The following CYB5R4 variants were observed in gnomAD, a reference collection of about 807,000 sequenced individuals.
CYB5R4 encodes the protein cytochrome b5 reductase 4, also known as N-terminal cytochrome b5 and cytochrome b5 oxidoreductase domain-containing protein.
A neutral mutation model predicts 70.2 loss-of-function variants in CYB5R4; 55 were observed. That is an observed-to-expected ratio of 0.78 (90% CI 0.63 to 0.98). CYB5R4 has a LOEUF of 0.98. Ranked by LOEUF, CYB5R4 falls within the 50% of genes least tolerant of loss-of-function variation. The pLI, the probability that CYB5R4 is intolerant of heterozygous loss-of-function variation, is 0.00. For synonymous variants in CYB5R4, 197 were observed against 199.5 expected, an observed-to-expected ratio of 0.99 and a Z score of 0.11; for missense variants, 562 against 612.6, an observed-to-expected ratio of 0.92 and a Z score of 0.87.
intron 14 of CYB5R4, among the ~76,000 whole-genome samples, chr6:83,948,405 A>T (rs2099470982): frequency 6.6e-6 from 1 of 152,170 alleles, no homozygotes; most frequent in Non-Finnish European, 1.5e-5. Flanking sequence ...ATTAGGAGAA[A>T]TACCTAATGT....
At chr6:83,914,147 A>G (rs1214435966) in intron 4 of CYB5R4, among the ~76,000 whole-genome samples, 1 of 152,228 alleles carries the variant, frequency 6.6e-6, no homozygotes, top group Non-Finnish European at 1.5e-5. Context: ...TAACCAAGAT[A>G]TTAGAAAAAA....
At chr6:83,895,585 T>C (rs2099461753) in intron 3 of CYB5R4, among the ~76,000 whole-genome samples, 2 of 152,202 alleles carry the variant, frequency 1.3e-5, no homozygotes, top group African/African-American at 4.8e-5. Context: ...TTGAATGTAC[T>C]GTGCCACAAG....
chr6:83,864,296 A>G lies in CYB5R4; in HGVS notation c.197A>G (p.Asn66Ser), dbSNP rs890567050. 3 of 1,613,154 alleles carry G rather than the reference A, an allele frequency of 1.9e-6. No homozygotes were observed. The highest frequency in any genetic ancestry group is 2.7e-5 in the African/African-American group (2 of 75,022). ...EVTEEELKKH[N>S]KKDDCWICIR... is the part of the protein sequence containing the mutation. ...ACTGAAGAAGAACTTAAGAAACACA[A>G]CAAAAAAGATGATTGTTGGATATGC... Residue 66 changes from asparagine (N) to serine (S), a missense_variant, in exon 2 of 16, where the codon AAC becomes AGC. Transcript: ENST00000369681.
At chr6:83,957,506 A>C (rs1357159059) in intron 15 of CYB5R4, among the ~76,000 whole-genome samples, 1 of 151,696 alleles carries the variant, frequency 6.6e-6, no homozygotes, top group Non-Finnish European at 1.5e-5. Flanking sequence ...CTGTGATCCC[A>C]GCTACTTGGG....
intron 2 of CYB5R4, among the ~76,000 whole-genome samples, chr6:83,890,476 G>A (rs1269526636): frequency 6.6e-6 from 1 of 152,106 alleles, no homozygotes; most frequent in Non-Finnish European, 1.5e-5. Context: ...CAAAGAGAGT[G>A]GTTCTTGAGA....
At chr6:83,899,615 A>G (rs1374315966) in intron 3 of CYB5R4, among the ~76,000 whole-genome samples, 3 of 152,006 alleles carry the variant, frequency 2.0e-5, no homozygotes, top group Non-Finnish European at 4.4e-5. Context: ...TTGGTTGGTA[A>G]GCTATTAATT....
intron 2 of CYB5R4, among the ~76,000 whole-genome samples, chr6:83,881,165 T>G (rs537313683): frequency 6.6e-6 from 1 of 152,040 alleles, no homozygotes; most frequent in South Asian, 2.1e-4. Context: ...CTGCCTTTTT[T>G]TCTTTTTCTT....
chr6:83,911,987 G>A (rs1476736537), intron 4 of CYB5R4, among the ~76,000 whole-genome samples: 2 of 150,102 alleles, frequency 1.3e-5, no homozygotes, highest in African/African-American at 4.9e-5. Flanking sequence ...AGCCCACCAG[G>A]CAGAGGTTGC....
intron 1 of CYB5R4, among the ~76,000 whole-genome samples, chr6:83,863,122 G>A (rs865897538): frequency 5.1e-4 from 77 of 152,202 alleles, no homozygotes; most frequent in African/African-American, 1.3e-3. Context: ...AATACTTCTC[G>A]TCTGAAAACT....
At chr6:83,893,225 C>G (rs1180927747) in intron 2 of CYB5R4, among the ~76,000 whole-genome samples, 1 of 152,172 alleles carries the variant, frequency 6.6e-6, no homozygotes, top group Non-Finnish European at 1.5e-5. Context: ...GTTCAGTGAA[C>G]TGACACAAAT....
At chr6:83,889,819 G>A (rs1224990949) in intron 2 of CYB5R4, among the ~76,000 whole-genome samples, 1 of 152,138 alleles carries the variant, frequency 6.6e-6, no homozygotes, top group East Asian at 1.9e-4. Context: ...GGCAAAGCAG[G>A]AGCAGGCACA....
chr6:83,914,755 T>A (rs2129138857), intron 5 of CYB5R4, among the ~76,000 whole-genome samples: 1 of 152,254 alleles, frequency 6.6e-6, no homozygotes, highest in East Asian at 1.9e-4. Flanking sequence ...CAGGCTGGTC[T>A]TGAACTCCTG....
At chr6:83,891,690 G>A (rs980682035) in intron 2 of CYB5R4, among the ~76,000 whole-genome samples, 11 of 152,158 alleles carry the variant, frequency 7.2e-5, no homozygotes, top group African/African-American at 2.2e-4. Context: ...CGTCTGGAAA[G>A]CATGGGATAC....
intron 10 of CYB5R4, among the ~76,000 whole-genome samples, chr6:83,930,934 C>T (rs1210769849): frequency 7.2e-5 from 11 of 152,188 alleles, no homozygotes; most frequent in Non-Finnish European, 2.9e-5. Flanking sequence ...AGCTTCCTCA[C>T]CTCTCTCAGC....
chr6:83,936,654 G>C (rs763531719), intron 12 of CYB5R4, among the ~76,000 whole-genome samples: 6 of 152,108 alleles, frequency 3.9e-5, no homozygotes, highest in Non-Finnish European at 8.8e-5. Context: ...GCTAAGTTCT[G>C]TTGAGTCTAC....
chr6:83,943,276 A>G (rs1307730356), intron 14 of CYB5R4, among the ~76,000 whole-genome samples: 4 of 152,142 alleles, frequency 2.6e-5, no homozygotes, highest in East Asian at 1.9e-4. Flanking sequence ...ACAGGCAGCA[A>G]TCTTTGCTGT....
intron 5 of CYB5R4, among the ~76,000 whole-genome samples, chr6:83,915,202 G>A (rs61763810): frequency 0.013 from 1,914 of 152,232 alleles, 44 homozygotes; most frequent in African/African-American, 0.043. Context: ...GTTTGGCATG[G>A]TGGTCACTAC....
At chr6:83,877,074 C>T (rs1013113794) in intron 2 of CYB5R4, among the ~76,000 whole-genome samples, 2 of 152,196 alleles carry the variant, frequency 1.3e-5, no homozygotes, top group Non-Finnish European at 2.9e-5. Flanking sequence ...TTGTGATCCA[C>T]CCGCCTCGGC....
intron 1 of CYB5R4, 101 bp from the exon 2 acceptor site, chr6:83,864,074 T>C (rs753583118): frequency 5.4e-6 from 6 of 1,105,648 alleles, no homozygotes; most frequent in Non-Finnish European, 6.3e-6. Context: ...CTTAAAACTG[T>C]AAAAGGATTT....
Sources: gnomAD v4.1 joint callset for allele counts (sites outside exome capture counted in the v4.1 genomes callset) on GRCh38, gnomAD v4.1.1 for gene constraint, MANE v1.5 for transcripts, NCBI Gene and HGNC (gene_info 2026-07-23, HGNC 2026-07-21) for gene names.